The following RUNX2 variants were observed in gnomAD, a reference collection of about 807,000 sequenced individuals.
The protein encoded by RUNX2 is runt-related transcription factor 2.
In RUNX2, 10 loss-of-function variants were observed where a neutral mutation model predicts 51.7. The observed-to-expected ratio is 0.19, with a 90% confidence interval of 0.12 to 0.33. The LOEUF (loss-of-function observed/expected upper bound fraction) is 0.33, where lower values mean the gene tolerates loss of function less well. Ranked by LOEUF, RUNX2 falls within the 10% of genes least tolerant of loss-of-function variation. RUNX2 has a pLI of 1.00. For synonymous variants in RUNX2, 276 were observed against 273.6 expected, an observed-to-expected ratio of 1.01 and a Z score of -0.09; for missense variants, 562 against 691.3, an observed-to-expected ratio of 0.81 and a Z score of 2.10.
chr6:45,544,103 C>T (rs1802316736), intron 7 of RUNX2, among the ~76,000 whole-genome samples: 1 of 151,828 alleles, frequency 6.6e-6, no homozygotes, highest in Non-Finnish European at 1.5e-5. Context: ...ATCCTATAAT[C>T]CCTTTCAAGT....
At chr6:45,377,570 C>T (rs1582042508) in intron 2 of RUNX2, 3 of 152,408 alleles carry the variant, frequency 2.0e-5, no homozygotes, top group Admixed American at 6.5e-5. Context: ...CTGCGCCCGG[C>T]CAGCGCCTCC....
intron 5 of RUNX2, among the ~76,000 whole-genome samples, chr6:45,460,531 C>A (rs1220927493): frequency 1.3e-5 from 2 of 152,104 alleles, no homozygotes; most frequent in Non-Finnish European, 2.9e-5. Context: ...TTAAAGGGAG[C>A]AGGGAAATGG....
intron 2 of RUNX2, among the ~76,000 whole-genome samples, chr6:45,354,269 TGATA>T (rs1283707224): frequency 6.6e-6 from 1 of 151,994 alleles, no homozygotes; most frequent in East Asian, 1.9e-4. Context: ...AAAAATAATA[TGATA>T]GATATACACA....
chr6:45,419,601 T>C (rs1798135384), intron 2 of RUNX2, among the ~76,000 whole-genome samples: 1 of 152,330 alleles, frequency 6.6e-6, no homozygotes, highest in Middle Eastern at 3.4e-3. Context: ...AAAGCCTGGC[T>C]TCCCTTCCCG....
rs73737404 is a variant in RUNX2 at position 45,398,102 on chromosome 6, A to G, written c.59-24491A>G. ...CTTTGGCTCTGGGACACATGGACAT[A>G]GAATATAGCAGTTAAGGGTGTAAGC... On this transcript the variant is annotated intron_variant, in intron 2 of 8. Coordinates refer to ENST00000647337, the MANE Select transcript of RUNX2 (RefSeq NM_001024630.4). Among the ~76,000 whole-genome samples the G allele has an allele frequency of 4.1e-3, 625 of 152,328 alleles. 8 individuals are homozygous for G. Among genetic ancestry groups the G allele is most frequent in the African/African-American group, 0.014 (594 of 41,574 alleles).
chr6:45,525,063 A>T (rs1383394754), intron 7 of RUNX2, among the ~76,000 whole-genome samples: 1 of 152,214 alleles, frequency 6.6e-6, no homozygotes, highest in Non-Finnish European at 1.5e-5. Flanking sequence ...GTGAGCCAAG[A>T]TTGCGTAATT....
chr6:45,380,424 A>G (rs1480820950), intron 2 of RUNX2, among the ~76,000 whole-genome samples: 3 of 152,224 alleles, frequency 2.0e-5, no homozygotes, highest in Non-Finnish European at 4.4e-5. Context: ...ATATTCACGT[A>G]GACTCACTAG....
intron 6 of RUNX2, among the ~76,000 whole-genome samples, chr6:45,504,154 C>T (rs148538050): frequency 1.7e-3 from 254 of 152,276 alleles, no homozygotes; most frequent in African/African-American, 5.8e-3. Flanking sequence ...CCGCACCTTG[C>T]TCTTGGGGCT....
chr6:45,495,934 G>A (rs886532620), intron 6 of RUNX2, among the ~76,000 whole-genome samples: 1 of 152,158 alleles, frequency 6.6e-6, no homozygotes, highest in Non-Finnish European at 1.5e-5. Flanking sequence ...TCTTTGCAGT[G>A]CTTGTCTGAT....
chr6:45,366,958 A>G (rs892396801), intron 2 of RUNX2, among the ~76,000 whole-genome samples: 6 of 152,084 alleles, frequency 3.9e-5, no homozygotes, highest in Admixed American at 3.9e-4. Flanking sequence ...TTCTAATCTA[A>G]CCACTCCTGT....
chr6:45,371,394 C>CTTT (rs560509544), intron 2 of RUNX2, among the ~76,000 whole-genome samples: 48 of 138,890 alleles, frequency 3.5e-4, no homozygotes, highest in African/African-American at 9.5e-4. Flanking sequence ...TATTAGCTCA[C>CTTT]TTTTTTTTTT....
chr6:45,487,454 A>G (rs1330337529), intron 5 of RUNX2, among the ~76,000 whole-genome samples: 1 of 152,330 alleles, frequency 6.6e-6, no homozygotes, highest in South Asian at 2.1e-4. Context: ...ACTTTCAACA[A>G]TGCTTAAGAA....
chr6:45,334,335 G>C (rs551422083), intron 2 of RUNX2, among the ~76,000 whole-genome samples: 2 of 146,320 alleles, frequency 1.4e-5, no homozygotes, highest in East Asian at 4.0e-4. Context: ...TAAAACTCAA[G>C]AACTTAAATA....
intron 5 of RUNX2, among the ~76,000 whole-genome samples, chr6:45,467,295 T>G (rs564751584): frequency 1.3e-5 from 2 of 152,208 alleles, no homozygotes; most frequent in Admixed American, 6.5e-5. Flanking sequence ...TTACTTTTAT[T>G]TTTTGAGACG....
At chr6:45,446,365 C>T (rs1046415735) in intron 5 of RUNX2, among the ~76,000 whole-genome samples, 1 of 152,184 alleles carries the variant, frequency 6.6e-6, no homozygotes, top group African/African-American at 2.4e-5. Flanking sequence ...TCTAAAAACA[C>T]ATACATGCTT....
rs189306413 is a variant in RUNX2 at position 45,417,539 on chromosome 6, G to A, written c.59-5054G>A. Among the ~76,000 whole-genome samples the A allele has an allele frequency of 2.2e-4, 33 of 152,328 alleles. No homozygotes were observed. In the East Asian group the frequency reaches 3.5e-3, roughly 16 times the overall value. On this transcript the variant is annotated intron_variant, in intron 2 of 8. Transcript: ENST00000647337. ...TTTAGAGAACTAATCTGAACCACATGCACACCCATTCCAGTATCTTTATAA... is the reference window on the plus strand; with the variant it reads ...TTTAGAGAACTAATCTGAACCACATACACACCCATTCCAGTATCTTTATAA...
intron 7 of RUNX2, among the ~76,000 whole-genome samples, chr6:45,532,363 C>G (rs1048385490): frequency 6.6e-6 from 1 of 151,922 alleles, no homozygotes; most frequent in African/African-American, 2.4e-5. Flanking sequence ...GGGAAACCCA[C>G]AGAGATGATT....
intron 6 of RUNX2, among the ~76,000 whole-genome samples, chr6:45,505,884 A>G (rs1313619386): frequency 6.6e-6 from 1 of 152,208 alleles, no homozygotes; most frequent in African/African-American, 2.4e-5. Context: ...GCGTTTTTAA[A>G]AACACAATTC....
intron 7 of RUNX2, 80 bp downstream of exon 7, chr6:45,512,487 A>G: frequency 2.0e-6 from 3 of 1,468,398 alleles, no homozygotes; most frequent in Non-Finnish European, 2.8e-6. Flanking sequence ...TGTCTCATCC[A>G]TGCTCACAGT....
Sources: allele counts gnomAD v4.1 joint callset (sites outside exome capture counted in the v4.1 genomes callset), GRCh38; gene constraint gnomAD v4.1.1; transcripts MANE v1.5; gene names NCBI Gene and HGNC (gene_info 2026-07-23, HGNC 2026-07-21).